ELAVL1: variants seen among roughly 807,000 people sequenced by gnomAD.
ELAVL1 encodes ELAV like RNA binding protein 1, also known as ELAV-like protein 1.
In ELAVL1, 1 loss-of-function variant was observed where a neutral mutation model predicts 28.4. The ratio of observed to expected loss-of-function variants is 0.04; its 90% CI spans 0.01 to 0.17. ELAVL1 has a LOEUF of 0.17. ELAVL1 is among the 10% of genes least tolerant of loss of function. The probability of loss-of-function intolerance (pLI) is 1.00; values close to 1 mark genes in which losing one functional copy is unlikely to be tolerated. For synonymous variants in ELAVL1, 174 were observed against 183.5 expected, an observed-to-expected ratio of 0.95 and a Z score of 0.42; for missense variants, 157 against 447.2, an observed-to-expected ratio of 0.35 and a Z score of 5.85.
rs571152560 is a variant in ELAVL1 at position 7,960,838 on chromosome 19, G to A, written c.*2645C>T. 3 of 152,292 alleles carry A rather than the reference G, an allele frequency of 2.0e-5. No homozygotes were observed. Among genetic ancestry groups the A allele is most frequent in the African/African-American group, 7.2e-5 (3 of 41,542 alleles). 9.4% of individuals were successfully genotyped at this position (152,292 alleles called of 1,614,324 possible). A position where few individuals can be genotyped will look rare whatever the true frequency, so the allele number is the denominator to read the frequency against. ...GGGTTGAGCCTTTTTTAAGAAAAGG[G>A]ATCTCCCCTTTGCAAACAGGCCTTG... is the stretch of plus-strand genomic sequence containing the variant. On this transcript the variant is annotated 3_prime_UTR_variant, in exon 6 of 6. Coordinates refer to ENST00000407627, the MANE Select transcript of ELAVL1 (RefSeq NM_001419.3).
At chr19:7,990,056 T>C (rs984815342) in intron 2 of ELAVL1, among the ~76,000 whole-genome samples, 3 of 152,256 alleles carry the variant, frequency 2.0e-5, no homozygotes, top group African/African-American at 7.2e-5. Flanking sequence ...AGAGTCTCAC[T>C]CTGTTGCCCA....
intron 1 of ELAVL1, among the ~76,000 whole-genome samples, chr19:8,001,176 C>T (rs913369320): frequency 2.0e-5 from 3 of 152,152 alleles, no homozygotes; most frequent in African/African-American, 7.2e-5. Context: ...AAAATCAAGG[C>T]GAATGTATGT....
intron 5 of ELAVL1, among the ~76,000 whole-genome samples, chr19:7,964,445 G>A (rs1434155912): frequency 6.6e-6 from 1 of 152,130 alleles, no homozygotes; most frequent in Non-Finnish European, 1.5e-5. Flanking sequence ...TCAAGGGACA[G>A]GGAAGGGCCC....
At chr19:7,992,009 C>G (rs774195201) in intron 1 of ELAVL1, among the ~76,000 whole-genome samples, 178 bp from the exon 2 acceptor site, 6 of 149,808 alleles carry the variant, frequency 4.0e-5, no homozygotes, top group African/African-American at 1.5e-4. Flanking sequence ...GGCACAATCT[C>G]GGCTTACTGC....
intron 3 of ELAVL1, among the ~76,000 whole-genome samples, chr19:7,977,532 A>ACT (rs1239164452): frequency 6.6e-6 from 1 of 151,744 alleles, no homozygotes; most frequent in African/African-American, 2.4e-5. Flanking sequence ...GCACACAGAG[A>ACT]CTGTGCAGCA....
chr19:7,964,499 G>A (rs561364880), intron 5 of ELAVL1, among the ~76,000 whole-genome samples: 26 of 152,196 alleles, frequency 1.7e-4, no homozygotes, highest in Admixed American at 1.1e-3. Context: ...GACCACACAC[G>A]TGGGGCTCTT....
rs920203815 is a variant in ELAVL1, at chr19:7,963,822, G to C, written c.657-15C>G. ...TGGGGGAGAACCTGGCAGACAGAGA[G>C]CAAGCGTCAGGCCACGGTCAGCGCA... On this transcript the variant is annotated splice_polypyrimidine_tract_variant and intron_variant, in intron 5 of 5. Transcript: ENST00000407627. The surrounding 1 kb of genome is among the most constrained non-coding windows in gnomAD (Gnocchi z 4.5). 1 of 1,610,522 alleles carries C rather than the reference G, an allele frequency of 6.2e-7. No homozygotes were observed. The highest frequency in any genetic ancestry group is 1.3e-5 in the African/African-American group (1 of 75,008).
chr19:7,963,284 A>T lies in ELAVL1; in HGVS notation c.*199T>A. ...TAAAGGAAATAACTTACGAAACTTA[A>T]GATTGGTCTAACATTGTGGGATTTC... On this transcript the variant is annotated 3_prime_UTR_variant, in exon 6 of 6. Transcript: ENST00000407627. This position sits in a 1 kb window ranked among gnomAD's most constrained non-coding sequence, Gnocchi z 4.5. 1 of 621,106 alleles carries T rather than the reference A, an allele frequency of 1.6e-6. No individual in the cohort carries two copies. The highest frequency in any genetic ancestry group is 2.7e-6 in the Non-Finnish European group (1 of 366,742). The allele number at this position is 621,106 out of a possible 1,614,324, so 38.5% of individuals were successfully genotyped here. A position where few individuals can be genotyped will look rare whatever the true frequency, so the allele number is the denominator to read the frequency against.
rs778988164 is a variant in ELAVL1 at position 7,967,639 on chromosome 19, T to A, written c.582A>T (p.Ala194=). 1.6e-5 allele frequency: 26 copies of A among 1,613,804 alleles called. No individual in the cohort carries two copies. Among genetic ancestry groups the A allele is most frequent in the Non-Finnish European group, 2.2e-5 (26 of 1,179,996 alleles). Residue 194 remains alanine (A), a synonymous_variant, in exon 5 of 6, where the codon GCA becomes GCT. Transcript: ENST00000407627. ...AANPNQNKNV[A]LLSQLYHSPA... ...GCGAGTGGTACAGCTGCGAGAGGAG[T>A]GCCACGTTTTTGTTCTGGTTGGGGT...
At position 7,982,701 on chromosome 19, in the gene ELAVL1, G is replaced by A. The variant is rs1985495551; in HGVS notation, c.173-1515C>T. ...AGTCCACGCCCCAGCCGCTTCCTTA[G>A]TCTTTCCCTCATGTTCTTTCCTGCC... On this transcript the variant is annotated intron_variant, in intron 2 of 5. Transcript: ENST00000407627. The surrounding 1 kb of genome is among the most constrained non-coding windows in gnomAD (Gnocchi z 4.3). 6.6e-6 allele frequency among the ~76,000 whole-genome samples: 1 copy of A among 152,178 alleles called. No individual in the cohort carries two copies. The highest frequency in any genetic ancestry group is 1.5e-5 in the Non-Finnish European group (1 of 68,030).
At chr19:7,985,199 C>A (rs539332057) in intron 2 of ELAVL1, among the ~76,000 whole-genome samples, 1 of 152,250 alleles carries the variant, frequency 6.6e-6, no homozygotes, top group Non-Finnish European at 1.5e-5. Flanking sequence ...GGATTATAGG[C>A]GTGCGCCACC....
At chr19:7,975,332 C>T (rs1016299568) in intron 3 of ELAVL1, among the ~76,000 whole-genome samples, 3 of 152,232 alleles carry the variant, frequency 2.0e-5, no homozygotes, top group Admixed American at 6.5e-5. Flanking sequence ...GACCTACTGC[C>T]GTCCCTGGAT....
intron 1 of ELAVL1, chr19:8,002,053 T>C: frequency 4.7e-6 from 6 of 1,289,292 alleles, no homozygotes; most frequent in South Asian, 1.2e-5. Flanking sequence ...CTGGCCTACC[T>C]GCAGGGTAAC....
At chr19:7,971,560 C>T (rs1985111795) in intron 4 of ELAVL1, among the ~76,000 whole-genome samples, 1 of 152,256 alleles carries the variant, frequency 6.6e-6, no homozygotes, top group South Asian at 2.1e-4. Context: ...TCAGGGACCA[C>T]AGGAGACTCT....
chr19:8,004,248 C>G (rs1333060441), intron 1 of ELAVL1, among the ~76,000 whole-genome samples: 1 of 152,196 alleles, frequency 6.6e-6, no homozygotes, highest in African/African-American at 2.4e-5. Context: ...GGATTTCCAC[C>G]CTCTTCAATT....
chr19:7,965,839 G>A (rs1049951896), intron 5 of ELAVL1, among the ~76,000 whole-genome samples: 3 of 152,260 alleles, frequency 2.0e-5, no homozygotes, highest in East Asian at 3.9e-4. Context: ...TGTATGATGG[G>A]ATTTCTAGAG....
intron 2 of ELAVL1, among the ~76,000 whole-genome samples, chr19:7,989,383 G>A (rs1328904455): frequency 6.6e-6 from 1 of 152,216 alleles, no homozygotes; most frequent in Non-Finnish European, 1.5e-5. Context: ...AGATAAGACA[G>A]GGCTCACCTC....
At chr19:7,990,732 G>A (rs769447570) in intron 2 of ELAVL1, among the ~76,000 whole-genome samples, 56 of 152,122 alleles carry the variant, frequency 3.7e-4, no homozygotes, top group Non-Finnish European at 7.4e-4. Context: ...AGCCCCGAGA[G>A]GACTGGCCGC....
intron 2 of ELAVL1, among the ~76,000 whole-genome samples, chr19:7,984,758 C>T (rs575082958): frequency 6.6e-6 from 1 of 152,290 alleles, no homozygotes; most frequent in East Asian, 1.9e-4. Flanking sequence ...GATGAAGGTG[C>T]CCTGGTTTCC....
Sources: gnomAD v4.1 joint callset for allele counts (sites outside exome capture counted in the v4.1 genomes callset) on GRCh38, gnomAD v4.1.1 for gene constraint, Gnocchi (gnomAD v3.1) non-coding constraint, MANE v1.5 for transcripts, NCBI Gene and HGNC (gene_info 2026-07-23, HGNC 2026-07-21) for gene names.